Variants in GLG1 observed in about 807,000 individuals in gnomAD.
GLG1 encodes the protein golgi glycoprotein 1.
In GLG1, 38 loss-of-function variants were observed where a neutral mutation model predicts 160.5. That is an observed-to-expected ratio of 0.24 (90% confidence interval 0.18 to 0.31). GLG1 has a LOEUF of 0.31. Among genes scored for constraint, GLG1 ranks in the 10% least tolerant of loss-of-function variants. The pLI, the probability that GLG1 is intolerant of heterozygous loss-of-function variation, is 1.00. For missense variants in GLG1, 1,373 were observed against 1,505.2 expected (o/e 0.91, Z 1.45); for synonymous variants, 644 against 543.4 (o/e 1.19, Z -2.57).
intron 12 of GLG1, among the ~76,000 whole-genome samples, chr16:74,476,147 A>C (rs1350961206): frequency 1.3e-5 from 2 of 152,008 alleles, no homozygotes; most frequent in African/African-American, 4.8e-5. Context: ...GTGCCACTGC[A>C]CTCCAGCATG....
chr16:74,567,632 A>C (rs542533906), intron 1 of GLG1, among the ~76,000 whole-genome samples: 1 of 141,590 alleles, frequency 7.1e-6, no homozygotes, highest in Non-Finnish European at 1.5e-5. Context: ...GCAGTGGCGC[A>C]ATCTCGGCTC....
chr16:74,584,484 T>C (rs1479372525), intron 1 of GLG1, among the ~76,000 whole-genome samples: 1 of 152,178 alleles, frequency 6.6e-6, no homozygotes, highest in Non-Finnish European at 1.5e-5. Context: ...CTCTTACCAA[T>C]TAGTTTCAGT....
At chr16:74,465,590 G>A (rs1442799814) in intron 19 of GLG1, 86 bp downstream of exon 19, 6 of 1,378,396 alleles carry the variant, frequency 4.4e-6, no homozygotes, top group Non-Finnish European at 6.1e-6. Flanking sequence ...CTTTGAGAAA[G>A]CTGAGCCTGA....
At chr16:74,560,390 C>T (rs181018570) in intron 1 of GLG1, among the ~76,000 whole-genome samples, 125 of 146,518 alleles carry the variant, frequency 8.5e-4, no homozygotes, top group South Asian at 4.3e-4. Flanking sequence ...TGCAATGGCA[C>T]GATCTCAGCT....
rs189198595 is a variant in GLG1, at chr16:74,454,237, G to A, written c.3373-903C>T. 5.0e-3 allele frequency among the ~76,000 whole-genome samples: 755 copies of A among 151,578 alleles called. 1 individual carries two copies. The highest frequency in any genetic ancestry group is 0.016 in the African/African-American group (682 of 41,340). On this transcript the variant is annotated intron_variant, in intron 25 of 25. Transcript: ENST00000422840. ...TTTTTTTTCATTGAGTTGGGGTCTC[G>A]CGCTGTTGCCCAGGTTGGTGTACAG...
chr16:74,574,067 G>A (rs565701878), intron 1 of GLG1, among the ~76,000 whole-genome samples: 1 of 152,218 alleles, frequency 6.6e-6, no homozygotes, highest in Admixed American at 6.5e-5. Context: ...GTGTGCACGC[G>A]CACACATACA....
chr16:74,576,489 G>C (rs1449740565), intron 1 of GLG1, among the ~76,000 whole-genome samples: 2 of 152,112 alleles, frequency 1.3e-5, no homozygotes, highest in Non-Finnish European at 2.9e-5. Flanking sequence ...ACTTATTTTA[G>C]GCTTTGCAGA....
intron 1 of GLG1, among the ~76,000 whole-genome samples, chr16:74,544,481 T>G (rs2017989222): frequency 6.6e-6 from 1 of 152,114 alleles, no homozygotes; most frequent in Non-Finnish European, 1.5e-5. Flanking sequence ...CCACCAAGCC[T>G]GGCTAATTTT....
chr16:74,568,316 A>G (rs923187162), intron 1 of GLG1, among the ~76,000 whole-genome samples: 2 of 152,150 alleles, frequency 1.3e-5, no homozygotes, highest in Non-Finnish European at 2.9e-5. Context: ...TCCTATTACT[A>G]TAAAAGAATC....
chr16:74,486,493 C>T (rs1450446604), intron 8 of GLG1, among the ~76,000 whole-genome samples: 1 of 152,116 alleles, frequency 6.6e-6, no homozygotes, highest in Non-Finnish European at 1.5e-5. Context: ...TTTCTATAAC[C>T]AAGAGGTAAA....
chr16:74,548,128 A>G (rs1182134034), intron 1 of GLG1, among the ~76,000 whole-genome samples: 1 of 152,290 alleles, frequency 6.6e-6, no homozygotes, highest in Non-Finnish European at 1.5e-5. Flanking sequence ...GTCAATATCT[A>G]TTTCTGGGTA....
Position 74,550,693 on chromosome 16 carries a change from T to C in GLG1, c.439-18540A>G, listed in dbSNP as rs2550821. 5.3e-5 allele frequency among the ~76,000 whole-genome samples: 8 copies of C among 151,958 alleles called. No homozygotes were observed. The East Asian group carries it at 1.6e-3, about 29-fold the overall frequency. ...CTCAGTGTGTGAAATAAGACAAAGA[T>C]GCAAAAGTCAAGAGGGGGACAAGCT... On this transcript the variant is annotated intron_variant, in intron 1 of 25. Transcript: ENST00000422840.
chr16:74,602,509 C>A (rs946838624), intron 1 of GLG1, among the ~76,000 whole-genome samples: 1 of 152,174 alleles, frequency 6.6e-6, no homozygotes, highest in African/African-American at 2.4e-5. Context: ...CGGGGCTGGG[C>A]GCGGTGACTC....
At chr16:74,562,874 C>T (rs1406748899) in intron 1 of GLG1, among the ~76,000 whole-genome samples, 1 of 152,174 alleles carries the variant, frequency 6.6e-6, no homozygotes, top group Non-Finnish European at 1.5e-5. Flanking sequence ...CAGGAAAACA[C>T]TGCCCTTGTT....
At chr16:74,462,811 G>A (rs985409473) in intron 20 of GLG1, 181 bp from the exon 21 acceptor site, 2 of 621,668 alleles carry the variant, frequency 3.2e-6, no homozygotes, top group South Asian at 2.0e-5. Flanking sequence ...AATATGACTT[G>A]TTAACGAGTA....
intron 1 of GLG1, among the ~76,000 whole-genome samples, chr16:74,596,313 G>A (rs1220835006): frequency 6.6e-6 from 1 of 152,116 alleles, no homozygotes; most frequent in Non-Finnish European, 1.5e-5. Context: ...TGGATCACCT[G>A]AGGTCAGCAG....
At chr16:74,537,040 G>C (rs2086057559) in intron 1 of GLG1, among the ~76,000 whole-genome samples, 1 of 151,998 alleles carries the variant, frequency 6.6e-6, no homozygotes, top group African/African-American at 2.4e-5. Flanking sequence ...TCTTACTATG[G>C]AAAACTGTAA....
rs970021637 is a variant in GLG1 at position 74,470,023 on chromosome 16, C to T, written c.2280G>A (p.Lys760=). ...TTGGGCAAAGCTTCAACACGTCCTC[C>T]TTGCAGGCCATTTTAAACTTGTAAG... ...RFSYKFKMAC[K]EDVLKLCPNI... Residue 760 remains lysine (K), a synonymous_variant, in exon 16 of 26, where the codon AAG becomes AAA. Coordinates refer to ENST00000422840, the MANE Select transcript of GLG1 (RefSeq NM_001145667.2). 3 of 1,609,810 alleles carry T rather than the reference C, an allele frequency of 1.9e-6. No homozygotes were observed. The highest frequency in any genetic ancestry group is 3.3e-5 in the Admixed American group (2 of 59,992).
chr16:74,469,426 A>G (rs2015118684), intron 16 of GLG1: 1 of 228,278 alleles, frequency 4.4e-6, no homozygotes, highest in African/African-American at 2.2e-5. Context: ...CCTGAAAGGT[A>G]GAGAAACCTG....
Sources: allele counts gnomAD v4.1 joint callset (sites outside exome capture counted in the v4.1 genomes callset), GRCh38; gene constraint gnomAD v4.1.1; transcripts MANE v1.5; gene names NCBI Gene and HGNC (gene_info 2026-07-23, HGNC 2026-07-21).